TRDN: variants seen among roughly 807,000 people sequenced by gnomAD.
TRDN encodes triadin, also known as triadin in skeletal muscle.
In TRDN, 161 loss-of-function variants were observed where a neutral mutation model predicts 149.7. The ratio of observed to expected loss-of-function variants is 1.08; its 90% CI spans 0.95 to 1.23. The LOEUF is 1.23. TRDN is among the 50% of genes most tolerant of loss of function. The pLI is 0.00. For missense variants in TRDN, 896 were observed against 823.5 expected (o/e 1.09, Z -1.08); for synonymous variants, 294 against 250.5 (o/e 1.17, Z -1.64).
intron 2 of TRDN, among the ~76,000 whole-genome samples, chr6:123,552,592 A>G (rs930958795): frequency 5.9e-5 from 9 of 152,160 alleles, no homozygotes; most frequent in African/African-American, 1.2e-4. Flanking sequence ...TATTGAAACA[A>G]AAGGAGAAAC....
intron 38 of TRDN, among the ~76,000 whole-genome samples, chr6:123,236,294 C>T (rs1481269192): frequency 1.3e-5 from 2 of 152,104 alleles, no homozygotes; most frequent in Non-Finnish European, 2.9e-5. Flanking sequence ...CTCTTATTTG[C>T]TATTCATACA....
chr6:123,269,772 TA>T (rs1228399390), intron 31 of TRDN, 76 bp downstream of exon 31: 6 of 1,473,696 alleles, frequency 4.1e-6, no homozygotes, highest in South Asian at 1.2e-5. Context: ...ACATTTTTCT[TA>T]AAAAAACTAA....
At chr6:123,315,346 C>T (rs1020354781) in intron 24 of TRDN, among the ~76,000 whole-genome samples, 8 of 151,704 alleles carry the variant, frequency 5.3e-5, no homozygotes, top group African/African-American at 1.2e-4. Context: ...AATTGTTCAA[C>T]TTTTCATTGA....
At chr6:123,426,196 C>T (rs564523953) in intron 12 of TRDN, among the ~76,000 whole-genome samples, 7 of 152,050 alleles carry the variant, frequency 4.6e-5, no homozygotes, top group African/African-American at 1.7e-4. Context: ...ATGGTCAGAG[C>T]TTGTGAGAGA....
At chr6:123,238,560 A>G (rs1454041571) in intron 38 of TRDN, among the ~76,000 whole-genome samples, 1 of 152,178 alleles carries the variant, frequency 6.6e-6, no homozygotes, top group African/African-American at 2.4e-5. Flanking sequence ...CATGAGAAAG[A>G]GAAAGCAACA....
At chr6:123,425,806 T>G (rs531529683) in intron 12 of TRDN, among the ~76,000 whole-genome samples, 9 of 152,050 alleles carry the variant, frequency 5.9e-5, no homozygotes, top group Non-Finnish European at 1.2e-4. Flanking sequence ...AAAGGGGATC[T>G]GAGAAATCAG....
rs186883620 is a variant in TRDN at position 123,237,856 on chromosome 6, A to G, written c.1976-13725T>C. Among the ~76,000 whole-genome samples the G allele has an allele frequency of 7.9e-5, 12 of 152,324 alleles. No individual in the cohort carries two copies. In the East Asian group the frequency reaches 2.3e-3, roughly 29 times the overall value. ...CAAACTATAGTAACACTGCAGCAGA[A>G]CAAAGGCTAAGAGAACATACTTGAA... is the stretch of plus-strand genomic sequence containing the variant. On this transcript the variant is annotated intron_variant, in intron 38 of 40. Coordinates refer to ENST00000334268, the MANE Select transcript of TRDN (RefSeq NM_006073.4).
At chr6:123,563,608 T>A (rs947949783) in intron 2 of TRDN, among the ~76,000 whole-genome samples, 2 of 152,166 alleles carry the variant, frequency 1.3e-5, no homozygotes, top group African/African-American at 4.8e-5. Flanking sequence ...TCAACAGAAA[T>A]AATTTTCTGG....
At chr6:123,424,366 T>C (rs1774030004) in intron 12 of TRDN, among the ~76,000 whole-genome samples, 1 of 152,170 alleles carries the variant, frequency 6.6e-6, no homozygotes, top group African/African-American at 2.4e-5. Context: ...AAATCCTTTC[T>C]ATAGAGACCA....
intron 1 of TRDN, among the ~76,000 whole-genome samples, chr6:123,578,662 T>A (rs1212070424): frequency 1.3e-5 from 2 of 152,184 alleles, no homozygotes; most frequent in Non-Finnish European, 2.9e-5. Flanking sequence ...TTTATACATA[T>A]TTTAAAATAT....
intron 2 of TRDN, 117 bp from the exon 3 acceptor site, chr6:123,548,729 A>C (rs750072500): frequency 4.4e-6 from 4 of 904,630 alleles, no homozygotes; most frequent in Non-Finnish European, 5.9e-6. Flanking sequence ...CAATTTCAAC[A>C]TTCTAAATAT....
intron 24 of TRDN, among the ~76,000 whole-genome samples, chr6:123,313,077 T>C (rs1778893137): frequency 6.6e-6 from 1 of 152,072 alleles, no homozygotes. Context: ...TTTATTCTGC[T>C]ATTAATACTT....
chr6:123,499,745 G>T (rs1479768997), intron 8 of TRDN, among the ~76,000 whole-genome samples: 26 of 90,846 alleles, frequency 2.9e-4, no homozygotes, highest in South Asian at 3.8e-4. Context: ...TATATATATA[G>T]TTACAGCTAC....
At position 123,331,888 on chromosome 6, in the gene TRDN, T is replaced by G; in HGVS notation, c.1462A>C (p.Lys488Gln). The G allele has an allele frequency of 6.5e-7, 1 of 1,545,416 alleles. No individual in the cohort carries two copies. Among genetic ancestry groups the G allele is most frequent in the Non-Finnish European group, 8.7e-7 (1 of 1,143,076 alleles). The change falls in exon 23 of 41, where the codon AAG becomes CAG. Residue 488 changes from lysine (K) to glutamine (Q), a missense_variant. Lys to Gln is a moderately conservative substitution (Grantham distance 53, BLOSUM62 1). Transcript: ENST00000334268. The stretch of plus-strand genomic sequence containing the variant: ...CATTGTATAATATTACCTTTTTCCT[T>G]TAGGGAAGCTGGAACTTTCTCTTCT... ...GKEEKVPASLKEKEPETKKDE... is the reference protein window; with the variant it reads ...GKEEKVPASLQEKEPETKKDE...
At chr6:123,620,462 A>G (rs1462660445) in intron 1 of TRDN, among the ~76,000 whole-genome samples, 1 of 152,192 alleles carries the variant, frequency 6.6e-6, no homozygotes, top group Non-Finnish European at 1.5e-5. Context: ...GCTCACATGC[A>G]TTCATACATT....
intron 38 of TRDN, among the ~76,000 whole-genome samples, chr6:123,248,858 A>C (rs536160548): frequency 1.3e-5 from 2 of 152,240 alleles, no homozygotes; most frequent in Non-Finnish European, 2.9e-5. Flanking sequence ...ACCCTCCATA[A>C]CTCAATCTAC....
chr6:123,448,109 G>T (rs1449636306), intron 10 of TRDN, among the ~76,000 whole-genome samples: 1 of 152,212 alleles, frequency 6.6e-6, no homozygotes, highest in Admixed American at 6.5e-5. Context: ...CCCCTAGCAG[G>T]CCATTCCTGC....
chr6:123,525,345 T>G (rs1484934576), intron 5 of TRDN, among the ~76,000 whole-genome samples: 1 of 152,016 alleles, frequency 6.6e-6, no homozygotes, highest in African/African-American at 2.4e-5. Flanking sequence ...AAATGTGGTA[T>G]ATATACACCA....
At chr6:123,418,067 CAAATG>C (rs1390395633) in intron 12 of TRDN, among the ~76,000 whole-genome samples, 1 of 152,088 alleles carries the variant, frequency 6.6e-6, no homozygotes, top group Non-Finnish European at 1.5e-5. Context: ...GTATAACACA[CAAATG>C]AAAGTGGGAT....
Sources: allele counts gnomAD v4.1 joint callset (sites outside exome capture counted in the v4.1 genomes callset), GRCh38; gene constraint gnomAD v4.1.1; transcripts MANE v1.5; gene names NCBI Gene and HGNC (gene_info 2026-07-23, HGNC 2026-07-21).